SYP: variants seen among roughly 807,000 people sequenced by gnomAD.
The protein encoded by SYP is synaptophysin, also known as major synaptic vesicle protein P38.
SYP carries 2 observed loss-of-function variants against 24.3 expected under a neutral mutation model. That is an observed-to-expected ratio of 0.08 (90% CI 0.03 to 0.26). SYP has a LOEUF of 0.26. Ranked by LOEUF, SYP falls within the 10% of genes least tolerant of loss-of-function variation. SYP has a pLI of 1.00. For missense variants in SYP, 216 were observed against 266.3 expected, an observed-to-expected ratio of 0.81 and a Z score of 1.32; for synonymous variants, 143 against 123.2, an observed-to-expected ratio of 1.16 and a Z score of -1.07.
chrX:49,193,913 T>C (rs1178096337), intron 4 of SYP, among the ~76,000 whole-genome samples: 14 of 111,478 alleles, frequency 1.3e-4, no homozygotes, highest in Non-Finnish European at 3.8e-5. Flanking sequence ...TGTGTAGTTG[T>C]GTGAGAGTGG....
At position 49,200,172 on chromosome X, in the gene SYP, C is replaced by T. The variant is rs975022028; in HGVS notation, c.15G>A (p.Ala5=). MLLL[A]DMDVVNQLVA... Reference sequence around the variant, plus strand: ...GTACCTGATTCACCACGTCCATGTCCGCCAGCAGCAGCATCAGCAATGCAG... The same window carrying T: ...GTACCTGATTCACCACGTCCATGTCTGCCAGCAGCAGCATCAGCAATGCAG... The change falls in exon 1 of 7, where the codon GCG becomes GCA. Residue 5 remains alanine (A), a synonymous_variant. Transcript: ENST00000263233. 2.6e-6 allele frequency: 3 copies of T among 1,165,460 alleles called. No homozygotes were observed. Among genetic ancestry groups the T allele is most frequent in the Non-Finnish European group, 3.4e-6 (3 of 871,926 alleles).
At position 49,193,320 on chromosome X, in the gene SYP, T is replaced by C; in HGVS notation, c.567A>G (p.Thr189=). Residue 189 remains threonine (T), a synonymous_variant, in exon 5 of 7, where the codon ACA becomes ACG. Coordinates refer to ENST00000263233, the MANE Select transcript of SYP (RefSeq NM_003179.3). ...TCACAGGGTCTCTCAGCTCCTTGCA[T>C]GTGTTCCCTGTCTGGCGGCAGACAG... The part of the protein sequence containing the change: ...EMPVCRQTGN[T]CKELRDPVTS... 8.2e-7 allele frequency: 1 copy of C among 1,212,222 alleles called. No individual in the cohort carries two copies. Among genetic ancestry groups the C allele is most frequent in the Non-Finnish European group, 1.1e-6 (1 of 895,580 alleles).
At chrX:49,197,891 G>T in intron 2 of SYP, 52 bp from the exon 3 acceptor site, 1 of 1,203,108 alleles carries the variant, frequency 8.3e-7, no homozygotes, top group Non-Finnish European at 1.1e-6. Context: ...GCATGTGGGA[G>T]GGAGGTGCCC....
chrX:49,189,721 C>T (rs1191511022), intron 6 of SYP, among the ~76,000 whole-genome samples: 1 of 111,066 alleles, frequency 9.0e-6, no homozygotes, highest in Non-Finnish European at 1.9e-5. Flanking sequence ...ATAGTCTCAG[C>T]TACTTGGGAG....
intron 2 of SYP, 189 bp downstream of exon 2, chrX:49,198,779 G>A: frequency 2.0e-6 from 1 of 489,682 alleles, no homozygotes; most frequent in Non-Finnish European, 3.6e-6. Context: ...TCAGCCCTAT[G>A]TGACGTCACA....
Position 49,189,156 on chromosome X carries a change from T to G in SYP, c.*131A>C, listed in dbSNP as rs1391878244. ...AATAGATATTTATATATAATATATA[T>G]ATATATAAACAGCAAAGACAGGGTC... On this transcript the variant is annotated 3_prime_UTR_variant, in exon 7 of 7. Coordinates refer to ENST00000263233, the MANE Select transcript of SYP (RefSeq NM_003179.3). 16 of 107,153 alleles carry G rather than the reference T, an allele frequency of 1.5e-4. No homozygotes were observed. Among genetic ancestry groups the G allele is most frequent in the African/African-American group, 4.8e-4 (14 of 29,358 alleles). 8.8% of individuals were successfully genotyped at this position (107,153 alleles called of 1,213,427 possible).
intron 6 of SYP, 163 bp downstream of exon 6, chrX:49,191,270 T>G (rs1181273375): frequency 2.7e-5 from 15 of 558,322 alleles, no homozygotes; most frequent in Non-Finnish European, 4.5e-5. Flanking sequence ...TTTTCAGCTC[T>G]TAGCAGGTAG....
intron 2 of SYP, chrX:49,198,211 C>T: frequency 4.1e-6 from 1 of 245,386 alleles, no homozygotes; most frequent in South Asian, 6.3e-5. Flanking sequence ...ATCCTCTCTG[C>T]CTCTGCCTAT....
rs1165557985 is a variant in SYP, at chrX:49,199,009, C to T, written c.61G>A (p.Val21Met). 8.3e-7 allele frequency: 1 copy of T among 1,209,657 alleles called. No homozygotes were observed. Among genetic ancestry groups the T allele is most frequent in the East Asian group, 3.0e-5 (1 of 33,775 alleles). ...ACAAAGCCGAGGGGCTCCTTGACCA[C>T]CCGGAACTGACCCCCAGCCACCAGC... ...NQLVAGGQFR[V>M]VKEPLGFVKV... The change falls in exon 2 of 7, where the codon GTG (valine) becomes ATG (methionine). Residue 21 changes from valine to methionine, a missense_variant. By Grantham distance (21) the Val-to-Met change is conservative (BLOSUM62 1). Transcript: ENST00000263233.
intron 4 of SYP, 64 bp from the exon 5 acceptor site, chrX:49,193,527 G>T: frequency 8.8e-7 from 1 of 1,142,160 alleles, no homozygotes; most frequent in Non-Finnish European, 1.2e-6. Flanking sequence ...AGGCCCTGGG[G>T]CCTCCTCGGA....
At chrX:49,196,837 T>C (rs1386436110) in intron 3 of SYP, among the ~76,000 whole-genome samples, 1 of 112,175 alleles carries the variant, frequency 8.9e-6, no homozygotes, top group Non-Finnish European at 1.9e-5. Context: ...AATTGTTTAA[T>C]TGGGTTTAAT....
chrX:49,198,881 C>T, intron 2 of SYP, 87 bp downstream of exon 2: 1 of 1,054,208 alleles, frequency 9.5e-7, no homozygotes. Context: ...TCCCTGGCTA[C>T]TCGCCCCTAC....
Position 49,191,626 on chromosome X carries a change from G to A in SYP, c.753C>T (p.Gly251=), listed in dbSNP as rs2065509425. 1 of 1,206,704 alleles carries A rather than the reference G, an allele frequency of 8.3e-7. No homozygotes were observed. Among genetic ancestry groups the A allele is most frequent in the Non-Finnish European group, 1.1e-6 (1 of 893,317 alleles). The stretch of plus-strand genomic sequence containing the variant: ...CGGGGCCCTGCCCGTAGCCTGCATC[G>A]CCGTAGGCGTCCCCGGGTGCCGGTT... ...EKQPAPGDAY[G]DAGYGQGPGG... The change falls in exon 6 of 7, where the codon GGC becomes GGT. Residue 251 remains glycine (G), a synonymous_variant. Coordinates refer to ENST00000263233, the MANE Select transcript of SYP (RefSeq NM_003179.3).
chrX:49,192,275 A>G (rs1453552697), intron 5 of SYP, among the ~76,000 whole-genome samples: 2 of 111,727 alleles, frequency 1.8e-5, no homozygotes, highest in African/African-American at 6.5e-5. Context: ...GCTCACCACA[A>G]CCTTCGCCTC....
Position 49,189,223 on chromosome X carries a change from AG to A in SYP, c.*63del, listed in dbSNP as rs1434741161. ...GGAGACCTAGGGTATAGGGGTGGGA[AG>A]GGGGGCAGGCCTTCTCCTGAGCTCT... On this transcript the variant is annotated 3_prime_UTR_variant, in exon 7 of 7. Transcript: ENST00000263233. 1 of 108,834 alleles carries A rather than the reference AG, an allele frequency of 9.2e-6. No individual in the cohort carries two copies. Among genetic ancestry groups the A allele is most frequent in the Non-Finnish European group, 1.9e-5 (1 of 52,395 alleles). The allele number at this position is 108,834 out of a possible 1,213,427, so 9.0% of individuals were successfully genotyped here.
rs782194762 is a variant in SYP, at chrX:49,200,114, C to G, written c.36+37G>C. On this transcript the variant is annotated intron_variant, in intron 1 of 6. Transcript: ENST00000263233. ...GAGCGACCCGGCCTAGGCAGCCGGG[C>G]GGCGGCGGGCTCTGTCCACGGTGCT... 14 of 1,161,220 alleles carry G rather than the reference C, an allele frequency of 1.2e-5. No homozygotes were observed. In the Admixed American group the frequency reaches 3.6e-4, roughly 30 times the overall value.
chrX:49,193,615 GGCCCTCCCAGCTTGAGC>G, intron 4 of SYP, 152 bp from the exon 5 acceptor site: 1 of 598,049 alleles, frequency 1.7e-6, no homozygotes, highest in Non-Finnish European at 2.6e-6. Flanking sequence ...ACCTGAAGGT[GGCCCTCCCAGCTTGAGC>G]TTGTGTGTGT....
intron 6 of SYP, chrX:49,191,115 TC>T (rs2065506199): frequency 5.6e-6 from 2 of 356,789 alleles, no homozygotes; most frequent in Non-Finnish European, 1.0e-5. Context: ...ACTGCGCAAG[TC>T]CCCCGATATT....
chrX:49,191,854 G>T, intron 5 of SYP, 91 bp from the exon 6 acceptor site: 2 of 985,765 alleles, frequency 2.0e-6, no homozygotes, highest in Non-Finnish European at 2.8e-6. Flanking sequence ...TGAATCCGTA[G>T]GCTCCGCAAG....
Sources: gnomAD v4.1 joint callset for allele counts (sites outside exome capture counted in the v4.1 genomes callset) on GRCh38, gnomAD v4.1.1 for gene constraint, MANE v1.5 for transcripts, NCBI Gene and HGNC (gene_info 2026-07-23, HGNC 2026-07-21) for gene names.